Variants in LOC128125822 observed in about 807,000 individuals in gnomAD.
the LOC128125822 span, among the ~76,000 whole-genome samples, chr6:63,573,001 G>A: frequency 6.6e-6 from 1 of 152,146 alleles, no homozygotes; most frequent in Non-Finnish European, 1.5e-5. Flanking sequence ...GACGGGGGCG[G>A]CGCGGTCCGG....
the LOC128125822 span, among the ~76,000 whole-genome samples, chr6:63,576,232 AATCT>A: frequency 2.6e-5 from 4 of 151,802 alleles, no homozygotes; most frequent in Admixed American, 6.6e-5. Context: ...ATTTCAGTTT[AATCT>A]ATCTGACTGC....
At chr6:63,578,800 A>C in the LOC128125822 span, 37 of 1,239,816 alleles carry the variant, frequency 3.0e-5, no homozygotes, top group Non-Finnish European at 3.9e-5. Flanking sequence ...CATTAAAATG[A>C]GAATGCTTTT....
the LOC128125822 span, chr6:63,581,106 AGT>A: frequency 1.3e-5 from 2 of 152,154 alleles, no homozygotes; most frequent in South Asian, 2.1e-4. Context: ...ACTTATCAGA[AGT>A]GTGTTTACCA....
chr6:63,575,430 TATGCTGTGACTATTGGTTTA>T, the LOC128125822 span, among the ~76,000 whole-genome samples: 1 of 152,200 alleles, frequency 6.6e-6, no homozygotes, highest in African/African-American at 2.4e-5. Context: ...ATTTTAAAAA[TATGCTGTGACTATTGGTTTA>T]ATGTTTGATA....
At chr6:63,578,384 G>T in the LOC128125822 span, 1 of 1,554,026 alleles carries the variant, frequency 6.4e-7, no homozygotes, top group Non-Finnish European at 8.7e-7. Flanking sequence ...AAAATGTTGA[G>T]TTATAGTGAT....
At chr6:63,582,745 G>A in the LOC128125822 span, 1 of 152,144 alleles carries the variant, frequency 6.6e-6, no homozygotes, top group Non-Finnish European at 1.5e-5. Flanking sequence ...CTTTTTAGTT[G>A]AAGGAAAACT....
At chr6:63,574,180 G>A in the LOC128125822 span, among the ~76,000 whole-genome samples, 1 of 152,160 alleles carries the variant, frequency 6.6e-6, no homozygotes, top group Non-Finnish European at 1.5e-5. Context: ...TGCTTTCTTA[G>A]GTGCCCTAAG....
chr6:63,581,590 A>T, the LOC128125822 span: 1 of 152,206 alleles, frequency 6.6e-6, no homozygotes, highest in Admixed American at 6.5e-5. Flanking sequence ...GTAAACTTTT[A>T]GACAAAATTT....
the LOC128125822 span, among the ~76,000 whole-genome samples, chr6:63,574,321 C>T: frequency 6.6e-6 from 1 of 152,140 alleles, no homozygotes; most frequent in African/African-American, 2.4e-5. Flanking sequence ...TTCCTCCTCT[C>T]CCTTCTTGTA....
At chr6:63,578,912 T>G in the LOC128125822 span, 2 of 1,567,404 alleles carry the variant, frequency 1.3e-6, no homozygotes, top group Non-Finnish European at 1.7e-6. Context: ...GGCCTTTTGA[T>G]GATGGTGCAC....
chr6:63,577,029 A>G, the LOC128125822 span: 1 of 1,465,600 alleles, frequency 6.8e-7, no homozygotes, highest in African/African-American at 1.4e-5. Flanking sequence ...ATTGCAATAT[A>G]ATAGTGGGAC....
chr6:63,581,742 G>A, the LOC128125822 span: 1 of 152,114 alleles, frequency 6.6e-6, no homozygotes, highest in South Asian at 2.1e-4. Context: ...GGTTTGTAAA[G>A]CTCAGTTCCA....
At chr6:63,575,250 T>C in the LOC128125822 span, among the ~76,000 whole-genome samples, 1 of 152,218 alleles carries the variant, frequency 6.6e-6, no homozygotes, top group Non-Finnish European at 1.5e-5. Context: ...TAAAACACTT[T>C]GGTAATGAGA....
chr6:63,577,911 A>G, the LOC128125822 span, among the ~76,000 whole-genome samples: 1 of 150,336 alleles, frequency 6.7e-6, no homozygotes, highest in Non-Finnish European at 1.5e-5. Context: ...AGTAATATGT[A>G]ATTAGTAATA....
chr6:63,580,544 T>TTGTA, the LOC128125822 span: 4 of 171,656 alleles, frequency 2.3e-5, no homozygotes, highest in East Asian at 4.5e-4. Flanking sequence ...AGCACAATAC[T>TTGTA]TGTATATTTT....
chr6:63,582,159 CAA>C, the LOC128125822 span: 1 of 151,150 alleles, frequency 6.6e-6, no homozygotes, highest in Admixed American at 6.6e-5. Context: ...ATAGTAATCA[CAA>C]ATTTTTGGCT....
the LOC128125822 span, chr6:63,579,461 C>T: frequency 1.7e-6 from 1 of 587,574 alleles, no homozygotes; most frequent in East Asian, 3.4e-5. Flanking sequence ...ACCAGGAAAT[C>T]AAGATCTTAC....
the LOC128125822 span, chr6:63,581,571 A>G: frequency 2.0e-5 from 3 of 152,246 alleles, no homozygotes; most frequent in African/African-American, 7.2e-5. Context: ...AAATGATGTC[A>G]GCATTTTAGT....
chr6:63,572,650 C>T, the LOC128125822 span: 6 of 413,966 alleles, frequency 1.4e-5, no homozygotes, highest in East Asian at 7.0e-5. Context: ...ACCGCCACCG[C>T]CTGTGTCGCC....
Sources: allele counts gnomAD v4.1 joint callset (sites outside exome capture counted in the v4.1 genomes callset), GRCh38; gene constraint gnomAD v4.1.1; transcripts MANE v1.5.